Variants in ITPRIP observed in about 807,000 individuals in gnomAD.
ITPRIP encodes inositol 1,4,5-trisphosphate receptor interacting protein.
ITPRIP carries 32 observed loss-of-function variants against 35.8 expected under a neutral mutation model. The observed-to-expected ratio is 0.89, with a 90% CI of 0.68 to 1.20. ITPRIP has a LOEUF of 1.20. ITPRIP is among the 50% of genes most tolerant of loss of function. ITPRIP has a pLI of 0.00. For missense variants in ITPRIP, 653 were observed against 735.6 expected, an observed-to-expected ratio of 0.89 and a Z score of 1.30; for synonymous variants, 358 against 324.0, an observed-to-expected ratio of 1.11 and a Z score of -1.13.
intron 1 of ITPRIP, chr10:104,329,043 G>GCACACACACACACA (rs66606338): frequency 6.7e-6 from 1 of 149,020 alleles, no homozygotes; most frequent in African/African-American, 2.5e-5. Context: ...CTGCACGCAT[G>GCACACACACACACA]CACACACACA....
chr10:104,320,535 ATTTTT>A (rs34369154), intron 1 of ITPRIP, among the ~76,000 whole-genome samples: 1 of 131,666 alleles, frequency 7.6e-6, no homozygotes, highest in Non-Finnish European at 1.6e-5. Context: ...TCTGCCTGTA[ATTTTT>A]TTTTTTTTTT....
intron 1 of ITPRIP, among the ~76,000 whole-genome samples, chr10:104,324,588 C>G (rs1186407063): frequency 1.3e-5 from 2 of 152,252 alleles, no homozygotes; most frequent in Admixed American, 6.5e-5. Context: ...GTTGGCCAAC[C>G]CACCTCCCCC....
In ITPRIP at chr10:104,315,552, A is replaced by G; in HGVS notation, c.500T>C (p.Phe167Ser). 1 of 1,614,174 alleles carries G rather than the reference A, an allele frequency of 6.2e-7. No individual in the cohort carries two copies. Among genetic ancestry groups the G allele is most frequent in the Non-Finnish European group, 8.5e-7 (1 of 1,180,032 alleles). ...CAGGGCTTCCAGCAAGTCATCCACG[A>G]AGCCTTCCAGGAACTCCCGGGTACG... ...AARTREFLEGFVDDLLEALRS... is the reference protein window; with the variant it reads ...AARTREFLEGSVDDLLEALRS... Residue 167 changes from phenylalanine to serine, a missense_variant, in exon 2 of 2, where the codon TTC (phenylalanine) becomes TCC (serine). Transcript: ENST00000337478. This position sits in a 1 kb window ranked among gnomAD's most constrained non-coding sequence, Gnocchi z 5.7.
chr10:104,333,854 T>C lies in ITPRIP; in HGVS notation c.-14+4392A>G. 6.5e-6 allele frequency: 1 copy of C among 152,760 alleles called. No individual in the cohort carries two copies. Among genetic ancestry groups the C allele is most frequent in the Non-Finnish European group, 1.5e-5 (1 of 68,458 alleles). 9.5% of individuals were successfully genotyped at this position (152,760 alleles called of 1,614,324 possible). On this transcript the variant is annotated intron_variant, in intron 1 of 1. Coordinates refer to ENST00000337478, the MANE Select transcript of ITPRIP (RefSeq NM_001272013.2). This position sits in a 1 kb window ranked among gnomAD's most constrained non-coding sequence, Gnocchi z 4.1. Reference sequence around the variant, plus strand: ...CCTGATGGGGAAGTTGGGGCCCAAGTCGGCAGAGAATGCAGACCTCCAACC... The same window carrying C: ...CCTGATGGGGAAGTTGGGGCCCAAGCCGGCAGAGAATGCAGACCTCCAACC...
chr10:104,325,455 C>T (rs556707597), intron 1 of ITPRIP, among the ~76,000 whole-genome samples: 1 of 152,310 alleles, frequency 6.6e-6, no homozygotes, highest in African/African-American at 2.4e-5. Context: ...CGTGTCTCCT[C>T]GTTGGCCCCA....
chr10:104,327,200 A>G (rs2014039424), intron 1 of ITPRIP, among the ~76,000 whole-genome samples: 1 of 151,978 alleles, frequency 6.6e-6, no homozygotes, highest in Non-Finnish European at 1.5e-5. Flanking sequence ...CGTGAGATGG[A>G]ATCTCTCTCG....
rs1018916620 is a variant in ITPRIP at position 104,312,316 on chromosome 10, C to A, written c.*2092G>T. ...AGATATTTTTTTTTCAGTGAACTTT[C>A]TCCTGGAAGCAAAGGAGAAGCTATG... On this transcript the variant is annotated 3_prime_UTR_variant, in exon 2 of 2. Transcript: ENST00000337478. 6.6e-6 allele frequency: 1 copy of A among 152,622 alleles called. No homozygotes were observed. Among genetic ancestry groups the A allele is most frequent in the East Asian group, 1.9e-4 (1 of 5,166 alleles). 9.5% of individuals were successfully genotyped at this position (152,622 alleles called of 1,614,324 possible).
intron 1 of ITPRIP, among the ~76,000 whole-genome samples, chr10:104,322,749 C>G (rs1426645193): frequency 1.3e-5 from 2 of 152,170 alleles, no homozygotes; most frequent in African/African-American, 4.8e-5. Context: ...ACGTTCAGAG[C>G]CAAAAGGAGT....
chr10:104,331,189 G>T (rs979663209), intron 1 of ITPRIP, among the ~76,000 whole-genome samples: 1 of 152,196 alleles, frequency 6.6e-6, no homozygotes, highest in Non-Finnish European at 1.5e-5. Flanking sequence ...GTCAGGAAGC[G>T]GCATGGGTAC....
Position 104,313,736 on chromosome 10 carries a change from G to C in ITPRIP, c.*672C>G, listed in dbSNP as rs886967409. 25 of 985,530 alleles carry C rather than the reference G, an allele frequency of 2.5e-5. No homozygotes were observed. The highest frequency in any genetic ancestry group is 2.8e-5 in the Non-Finnish European group (23 of 830,012). The allele number at this position is 985,530 out of a possible 1,614,324, so 61.0% of individuals were successfully genotyped here. ...AGGGTGCAGCTGAGTGAGAAGTGTAGCTGAAAAAGTGGCTAATTGTGTTTC... is the reference window on the plus strand; with the variant it reads ...AGGGTGCAGCTGAGTGAGAAGTGTACCTGAAAAAGTGGCTAATTGTGTTTC... On this transcript the variant is annotated 3_prime_UTR_variant, in exon 2 of 2. Transcript: ENST00000337478.
In ITPRIP at chr10:104,314,677, G is replaced by T. The variant is rs145628846; in HGVS notation, c.1375C>A (p.His459Asn). ...TTCTCCAGGAAGCACAGCAACTCGTGCAGACGAGCGTCCAGCTGCCCCGCC... is the reference window on the plus strand; with the variant it reads ...TTCTCCAGGAAGCACAGCAACTCGTTCAGACGAGCGTCCAGCTGCCCCGCC... Reference protein sequence around the residue: ...WKAGQLDARLHELLCFLEKSL... With the variant: ...WKAGQLDARLNELLCFLEKSL... The change falls in exon 2 of 2, where the codon CAC becomes AAC. Residue 459 changes from histidine (H) to asparagine (N), a missense_variant. Transcript: ENST00000337478. 54 of 1,613,772 alleles carry T rather than the reference G, an allele frequency of 3.3e-5. No individual in the cohort carries two copies. The highest frequency in any genetic ancestry group is 5.9e-6 in the Non-Finnish European group (7 of 1,179,950).
chr10:104,315,886 C>T lies in ITPRIP; in HGVS notation c.166G>A (p.Glu56Lys). 6.2e-7 allele frequency: 1 copy of T among 1,613,790 alleles called. No homozygotes were observed. Among genetic ancestry groups the T allele is most frequent in the Non-Finnish European group, 8.5e-7 (1 of 1,179,882 alleles). The change falls in exon 2 of 2, where the codon GAG (glutamate) becomes AAG (lysine). Residue 56 changes from glutamate (E) to lysine (K), a missense_variant. Physicochemically the swap from Glu to Lys is moderately conservative, Grantham distance 56. Coordinates refer to ENST00000337478, the MANE Select transcript of ITPRIP (RefSeq NM_001272013.2). This position sits in a 1 kb window ranked among gnomAD's most constrained non-coding sequence, Gnocchi z 5.7. ...EKLQLEQLRL[E>K]EEVARLAAEK... ...GCCGCCAGCCGAGCCACCTCCTCCT[C>T]CAGGCGCAACTGCTCCAGCTGCAGC...
Position 104,326,686 on chromosome 10 carries a change from A to G in ITPRIP, c.-13-10622T>C, listed in dbSNP as rs928363662. ...GTCCTCGCGCTAATCCCCAGCCCCTATGAATGGGACCTAAAAGGGTCTTTG... is the reference window on the plus strand; with the variant it reads ...GTCCTCGCGCTAATCCCCAGCCCCTGTGAATGGGACCTAAAAGGGTCTTTG... On this transcript the variant is annotated intron_variant, in intron 1 of 1. Coordinates refer to ENST00000337478, the MANE Select transcript of ITPRIP (RefSeq NM_001272013.2). The surrounding 1 kb of genome is among the most constrained non-coding windows in gnomAD (Gnocchi z 4.8). 1 of 152,174 alleles carries G rather than the reference A, an allele frequency of 6.6e-6. No homozygotes were observed. The highest frequency in any genetic ancestry group is 2.4e-5 in the African/African-American group (1 of 41,434). The allele number at this position is 152,174 out of a possible 1,614,324, so 9.4% of individuals were successfully genotyped here.
intron 1 of ITPRIP, among the ~76,000 whole-genome samples, chr10:104,318,111 G>T (rs1195723233): frequency 1.3e-5 from 2 of 152,196 alleles, no homozygotes; most frequent in East Asian, 3.8e-4. Flanking sequence ...GGTGGGTGGG[G>T]TAAGGAAAAA....
intron 1 of ITPRIP, among the ~76,000 whole-genome samples, chr10:104,317,155 T>G (rs1426625351): frequency 6.6e-6 from 1 of 152,242 alleles, no homozygotes. Flanking sequence ...TCCTGGCTTT[T>G]GTCTTTCCCC....
chr10:104,315,156 T>G lies in ITPRIP; in HGVS notation c.896A>C (p.Gln299Pro). The G allele has an allele frequency of 6.2e-7, 1 of 1,614,148 alleles. No individual in the cohort carries two copies. Among genetic ancestry groups the G allele is most frequent in the Non-Finnish European group, 8.5e-7 (1 of 1,179,976 alleles). Reference protein sequence around the residue: ...ATDSLYLDTMQVMKWFQTALT... With the variant: ...ATDSLYLDTMPVMKWFQTALT... ...GGCCGTCTGGAACCACTTCATGACC[T>G]GCATCGTGTCCAGGTACAGGGAATC... The change falls in exon 2 of 2, where the codon CAG (glutamine) becomes CCG (proline). Residue 299 changes from glutamine (Q) to proline (P), a missense_variant. Gln to Pro is a moderately conservative substitution (Grantham distance 76). Transcript: ENST00000337478. This position sits in a 1 kb window ranked among gnomAD's most constrained non-coding sequence, Gnocchi z 5.7.
Position 104,314,521 on chromosome 10 carries a change from T to A in ITPRIP, c.1531A>T (p.Ser511Cys). ...NLFRPFVLQR[S>C]LYRKTLDSFY... ...GAGTCCAGTGTCTTACGGTAAAGGC[T>A]TCGCTGCAGGACGAAGGGCCGGAAG... Residue 511 changes from serine to cysteine, a missense_variant, in exon 2 of 2, where the codon AGC becomes TGC. Coordinates refer to ENST00000337478, the MANE Select transcript of ITPRIP (RefSeq NM_001272013.2). The A allele has an allele frequency of 6.2e-7, 1 of 1,614,162 alleles. No homozygotes were observed. The highest frequency in any genetic ancestry group is 1.1e-5 in the South Asian group (1 of 91,082).
chr10:104,318,729 G>T (rs1363674715), intron 1 of ITPRIP, among the ~76,000 whole-genome samples: 1 of 152,220 alleles, frequency 6.6e-6, no homozygotes, highest in Non-Finnish European at 1.5e-5. Flanking sequence ...GACTGGGTCA[G>T]AACCCAGTAT....
chr10:104,330,373 C>G (rs999788259), intron 1 of ITPRIP, among the ~76,000 whole-genome samples: 1 of 152,216 alleles, frequency 6.6e-6, no homozygotes, highest in East Asian at 1.9e-4. Context: ...AAAATCCCTT[C>G]CAGCAAAATC....
Sources: allele counts gnomAD v4.1 joint callset (sites outside exome capture counted in the v4.1 genomes callset), GRCh38; gene constraint gnomAD v4.1.1; non-coding constraint Gnocchi (gnomAD v3.1); transcripts MANE v1.5; gene names NCBI Gene and HGNC (gene_info 2026-07-23, HGNC 2026-07-21).